The following FOCAD variants were observed in gnomAD, a reference collection of about 807,000 sequenced individuals.
FOCAD encodes focadhesin.
In FOCAD, 198 loss-of-function variants were observed where a neutral mutation model predicts 225.6. The ratio of observed to expected loss-of-function variants is 0.88; its 90% CI spans 0.78 to 0.99. FOCAD has a LOEUF of 0.99. Ranked by LOEUF, FOCAD falls within the 50% of genes least tolerant of loss-of-function variation. The pLI is 0.00. For missense variants in FOCAD, 2,713 were observed against 2,123.6 expected (o/e 1.28, Z -5.46); for synonymous variants, 897 against 755.0 (o/e 1.19, Z -3.08).
intron 21 of FOCAD, among the ~76,000 whole-genome samples, chr9:20,898,697 C>T (rs1020245832): frequency 7.9e-5 from 12 of 151,858 alleles, no homozygotes; most frequent in African/African-American, 2.9e-4. Flanking sequence ...CTGTTAATTC[C>T]AGCATCCCTG....
rs185639823 is a variant in FOCAD, at chr9:20,830,758, G to A, written c.1920+7643G>A. Reference sequence around the variant, plus strand: ...AGTGGTGTGGTCATGGTCCACAGCAGCCTTTATCTCTGGGTGCAAGGGATC... The same window carrying A: ...AGTGGTGTGGTCATGGTCCACAGCAACCTTTATCTCTGGGTGCAAGGGATC... On this transcript the variant is annotated intron_variant, in intron 15 of 43. Transcript: ENST00000338382. Among the ~76,000 whole-genome samples the A allele has an allele frequency of 6.1e-4, 93 of 152,134 alleles. 1 individual carries two copies. The highest frequency in any genetic ancestry group is 4.1e-3 in the Admixed American group (62 of 15,256).
Position 20,740,223 on chromosome 9 carries a change from T to G in FOCAD, c.288-13T>G, listed in dbSNP as rs376883894. 431 of 1,508,066 alleles carry G rather than the reference T, an allele frequency of 2.9e-4. 1 individual carries two copies. Among genetic ancestry groups the G allele is most frequent in the South Asian group, 2.0e-3 (169 of 85,780 alleles). The allele number at this position is 1,508,066 out of a possible 1,614,324, so 93.4% of individuals were successfully genotyped here. On this transcript the variant is annotated splice_polypyrimidine_tract_variant and intron_variant, in intron 4 of 43. Coordinates refer to ENST00000338382, the MANE Select transcript of FOCAD (RefSeq NM_001375567.1). The stretch of plus-strand genomic sequence containing the variant: ...TTTATCTATAACATTTAACATGCTA[T>G]ATTTCTTTGCAGAAATACACATGGC...
At chr9:20,805,986 G>T (rs540439173) in intron 11 of FOCAD, among the ~76,000 whole-genome samples, 4 of 152,254 alleles carry the variant, frequency 2.6e-5, no homozygotes, top group South Asian at 2.1e-4. Flanking sequence ...TTTGGAGCAG[G>T]TTCATATGTG....
chr9:20,792,058 A>T (rs17753248), intron 11 of FOCAD, among the ~76,000 whole-genome samples: 31,776 of 152,060 alleles, frequency 0.21, 3,571 homozygotes, highest in South Asian at 0.34. Flanking sequence ...TGGTATGTAG[A>T]AGCCTTATAG....
At chr9:20,773,633 C>A (rs183855861) in intron 8 of FOCAD, among the ~76,000 whole-genome samples, 2 of 152,292 alleles carry the variant, frequency 1.3e-5, no homozygotes, top group East Asian at 3.9e-4. Flanking sequence ...GTAACTACTT[C>A]CTTACATTTC....
intron 8 of FOCAD, among the ~76,000 whole-genome samples, chr9:20,772,602 A>G (rs1378855727): frequency 6.6e-6 from 1 of 152,126 alleles, no homozygotes; most frequent in Non-Finnish European, 1.5e-5. Flanking sequence ...AAGGGATGGA[A>G]AGTATTCTTA....
chr9:20,870,697 CTG>C (rs745894391), intron 18 of FOCAD, among the ~76,000 whole-genome samples: 2 of 152,132 alleles, frequency 1.3e-5, no homozygotes, highest in Non-Finnish European at 2.9e-5. Flanking sequence ...CTATAGTGTT[CTG>C]TGTTACCAGA....
chr9:20,995,726 A>G lies in FOCAD; in HGVS notation c.*97A>G, dbSNP rs112975599. On this transcript the variant is annotated 3_prime_UTR_variant, in exon 44 of 44. Coordinates refer to ENST00000338382, the MANE Select transcript of FOCAD (RefSeq NM_001375567.1). ...AATTCATGCCTGGTATTGCTGAGAC[A>G]TGATGCAGAGAGTTAAGGGTCATGA... The G allele has an allele frequency of 9.2e-6, 10 of 1,090,362 alleles. No homozygotes were observed. The highest frequency in any genetic ancestry group is 7.3e-5 in the East Asian group (3 of 41,132). 67.5% of individuals were successfully genotyped at this position (1,090,362 alleles called of 1,614,324 possible).
At chr9:20,772,578 G>A (rs1818345162) in intron 8 of FOCAD, among the ~76,000 whole-genome samples, 1 of 152,176 alleles carries the variant, frequency 6.6e-6, no homozygotes, top group Non-Finnish European at 1.5e-5. Context: ...GTCATGGAGC[G>A]ATGATGTAAA....
intron 8 of FOCAD, among the ~76,000 whole-genome samples, chr9:20,772,265 A>G (rs753984196): frequency 1.3e-5 from 2 of 152,130 alleles, no homozygotes; most frequent in Non-Finnish European, 2.9e-5. Context: ...GATATGCTTG[A>G]CTTGAGGTAT....
At position 20,782,101 on chromosome 9, in the gene FOCAD, T is replaced by C. The variant is rs7027599; in HGVS notation, c.1197+172T>C. 0.67 allele frequency among the ~76,000 whole-genome samples: 101,602 copies of C among 152,040 alleles called. 34,148 individuals carry two copies. The highest frequency in any genetic ancestry group is 0.73 in the African/African-American group (30,415 of 41,486). ...TCTTCTGGACTATAAGAAGGGATAG[T>C]AGTCCTGTTGTGAAATAAGTTTGAA... On this transcript the variant is annotated intron_variant, in intron 10 of 43. Transcript: ENST00000338382.
Position 20,976,536 on chromosome 9 carries a change from A to C in FOCAD, c.4249A>C (p.Arg1417=). The part of the protein sequence containing the change: ...NWAALLSPLM[R]LNFGEEIQQL... ...GGCTGCACTTCTCTCTCCACTTATG[A>C]GGCTAAATTTTGGTAAATATCATGT... is the stretch of plus-strand genomic sequence containing the variant. Residue 1417 remains arginine, a synonymous_variant, in exon 36 of 44, where the codon AGG becomes CGG. Transcript: ENST00000338382. The C allele has an allele frequency of 6.2e-7, 1 of 1,612,956 alleles. No individual in the cohort carries two copies. Among genetic ancestry groups the C allele is most frequent in the East Asian group, 2.2e-5 (1 of 44,840 alleles).
intron 16 of FOCAD, among the ~76,000 whole-genome samples, chr9:20,863,891 G>A (rs865939714): frequency 1.3e-5 from 2 of 151,984 alleles, no homozygotes; most frequent in African/African-American, 4.8e-5. Context: ...ATTGGCTGGT[G>A]TGTTGGTTTT....
rs1356522762 is a variant in FOCAD at position 20,781,758 on chromosome 9, G to A, written c.1026G>A (p.Gln342=). 1.5e-5 allele frequency: 24 copies of A among 1,613,936 alleles called. No homozygotes were observed. Among genetic ancestry groups the A allele is most frequent in the Non-Finnish European group, 1.9e-5 (22 of 1,179,984 alleles). Residue 342 remains glutamine (Q), a synonymous_variant, in exon 10 of 44, where the codon CAG becomes CAA. Transcript: ENST00000338382. ...ALKLLSVTED[Q]KIPKSSLLLV... is the part of the protein sequence containing the mutation. ...AGCTCCTCTCTGTTACTGAGGATCAGAAAATCCCAAAGTCCTCTCTGCTGC... is the reference window on the plus strand; with the variant it reads ...AGCTCCTCTCTGTTACTGAGGATCAAAAAATCCCAAAGTCCTCTCTGCTGC...
At chr9:20,685,085 T>A (rs1293427691) in intron 1 of FOCAD, among the ~76,000 whole-genome samples, 1 of 152,240 alleles carries the variant, frequency 6.6e-6, no homozygotes, top group Non-Finnish European at 1.5e-5. Context: ...CATTCCAAAC[T>A]TTTTTGATGG....
At chr9:20,746,315 C>G (rs1366783936) in intron 5 of FOCAD, among the ~76,000 whole-genome samples, 1 of 152,082 alleles carries the variant, frequency 6.6e-6, no homozygotes, top group East Asian at 1.9e-4. Context: ...GAGGAACTAA[C>G]AGGAGGCAGA....
In FOCAD at chr9:20,740,260, C is replaced by T; in HGVS notation, c.312C>T (p.Ala104=). 1 of 1,609,780 alleles carries T rather than the reference C, an allele frequency of 6.2e-7. No homozygotes were observed. The highest frequency in any genetic ancestry group is 2.2e-5 in the East Asian group (1 of 44,750). ...STRNTHGLIK[A]IMHLLQMQAL... ...GAAATACACATGGCTTGATAAAAGC[C>T]ATTATGCACTTACTACAAATGCAAG... The change falls in exon 5 of 44, where the codon GCC becomes GCT. Residue 104 remains alanine (A), a synonymous_variant. Transcript: ENST00000338382.
chr9:20,969,169 C>G (rs557565690), intron 35 of FOCAD, among the ~76,000 whole-genome samples: 5 of 152,110 alleles, frequency 3.3e-5, no homozygotes, highest in African/African-American at 1.2e-4. Flanking sequence ...TTTATTGAGA[C>G]TTGTTTTGTG....
intron 21 of FOCAD, among the ~76,000 whole-genome samples, chr9:20,886,745 A>G (rs750815742): frequency 4.6e-5 from 7 of 152,218 alleles, no homozygotes; most frequent in Non-Finnish European, 8.8e-5. Flanking sequence ...TGGATTCCAT[A>G]TTCTGCTCAG....
Sources: gnomAD v4.1 joint callset for allele counts (sites outside exome capture counted in the v4.1 genomes callset) on GRCh38, gnomAD v4.1.1 for gene constraint, MANE v1.5 for transcripts, NCBI Gene and HGNC (gene_info 2026-07-23, HGNC 2026-07-21) for gene names.